Variants in U2AF2 observed in about 807,000 individuals in gnomAD.
U2AF2 encodes the protein splicing factor U2AF 65 kDa subunit.
In U2AF2, 6 loss-of-function variants were observed where a neutral mutation model predicts 52.6. The observed-to-expected ratio is 0.11, with a 90% confidence interval of 0.06 to 0.23. U2AF2 has a LOEUF of 0.23. U2AF2 is among the 10% of genes least tolerant of loss of function. The pLI is 1.00. For synonymous variants in U2AF2, 284 were observed against 258.2 expected, an observed-to-expected ratio of 1.10 and a Z score of -0.96; for missense variants, 222 against 677.1, an observed-to-expected ratio of 0.33 and a Z score of 7.46.
At chr19:55,662,161 C>A in intron 5 of U2AF2, 1 of 205,190 alleles carries the variant, frequency 4.9e-6, no homozygotes. Context: ...TCGTGTTTTT[C>A]TTCATTTTGT....
intron 5 of U2AF2, 40 bp from the exon 6 acceptor site, chr19:55,662,462 C>CT (rs1238202942): frequency 5.7e-6 from 6 of 1,061,160 alleles, no homozygotes; most frequent in South Asian, 1.4e-5. Flanking sequence ...CTCCACCTCC[C>CT]TTCCCCCGCC....
chr19:55,663,704 G>A lies in U2AF2; in HGVS notation c.702G>A (p.Pro234=), dbSNP rs372237608. 85 of 1,614,016 alleles carry A rather than the reference G, an allele frequency of 5.3e-5. No homozygotes were observed. Among genetic ancestry groups the A allele is most frequent in the Non-Finnish European group, 6.9e-5 (81 of 1,180,030 alleles). The change falls in exon 7 of 12, where the codon CCG becomes CCA. Residue 234 remains proline (P), a synonymous_variant. Transcript: ENST00000308924. The stretch of plus-strand genomic sequence containing the variant: ...TCCGCAGGCCTCACGACTACCAGCC[G>A]CTTCCTGGCATGTCAGAGAACCCCT... ...LKIRRPHDYQ[P]LPGMSENPSV...
rs372305738 is a variant in U2AF2 at position 55,660,628 on chromosome 19, C to T, written c.334+9C>T. The T allele has an allele frequency of 3.7e-6, 6 of 1,611,220 alleles. No individual in the cohort carries two copies. Among genetic ancestry groups the T allele is most frequent in the East Asian group, 2.2e-5 (1 of 44,854 alleles). On this transcript the variant is annotated intron_variant, in intron 4 of 11. Coordinates refer to ENST00000308924, the MANE Select transcript of U2AF2 (RefSeq NM_007279.3). The stretch of plus-strand genomic sequence containing the variant: ...GTACAAGGCCATGCAAGGTAGGCCC[C>T]TGGCCAGGCTGCTCCCAGAGCGGGA...
At chr19:55,672,890 G>C (rs1045753507) in intron 11 of U2AF2, among the ~76,000 whole-genome samples, 2 of 151,714 alleles carry the variant, frequency 1.3e-5, no homozygotes, top group Non-Finnish European at 2.9e-5. Flanking sequence ...TGAGCCGCCC[G>C]TCTTGGCCTC....
At chr19:55,670,261 C>T (rs1054097230) in intron 11 of U2AF2, among the ~76,000 whole-genome samples, 1 of 152,058 alleles carries the variant, frequency 6.6e-6, no homozygotes, top group African/African-American at 2.4e-5. Flanking sequence ...CCTGTCACCT[C>T]CAGCGCCGTG....
At position 55,668,292 on chromosome 19, in the gene U2AF2, A is replaced by G. The variant is rs935253701; in HGVS notation, c.743-215A>G. Among the ~76,000 whole-genome samples the G allele has an allele frequency of 3.9e-5, 6 of 152,046 alleles. No homozygotes were observed. The highest frequency in any genetic ancestry group is 1.2e-4 in the African/African-American group (5 of 41,390). On this transcript the variant is annotated intron_variant, in intron 7 of 11. Coordinates refer to ENST00000308924, the MANE Select transcript of U2AF2 (RefSeq NM_007279.3). This position sits in a 1 kb window ranked among gnomAD's most constrained non-coding sequence, Gnocchi z 5.5. Reference sequence around the variant, plus strand: ...CTGAGGCTGGGCAGATTTGGGAGACATGGTGCGTTCTCCCCGAGGAGCCTC... The same window carrying G: ...CTGAGGCTGGGCAGATTTGGGAGACGTGGTGCGTTCTCCCCGAGGAGCCTC...
intron 1 of U2AF2, chr19:55,659,000 G>T (rs1270901862): frequency 1.6e-6 from 1 of 640,146 alleles, no homozygotes; most frequent in Non-Finnish European, 2.3e-6. Context: ...CACCCCGGGG[G>T]CATTTCCAGG....
At chr19:55,673,395 G>A (rs548154068) in intron 11 of U2AF2, among the ~76,000 whole-genome samples, 12 of 151,016 alleles carry the variant, frequency 7.9e-5, no homozygotes, top group African/African-American at 2.4e-4. Context: ...TTCAGTGTTC[G>A]TGTAGGCTCA....
At chr19:55,655,557 C>T (rs1232698335) in intron 1 of U2AF2, among the ~76,000 whole-genome samples, 3 of 152,272 alleles carry the variant, frequency 2.0e-5, no homozygotes, top group Non-Finnish European at 2.9e-5. Context: ...CTTCCGCTTC[C>T]GGTCGGGCCC....
chr19:55,668,650 T>C lies in U2AF2; in HGVS notation c.823-20T>C, dbSNP rs1431976442. 1 of 1,593,686 alleles carries C rather than the reference T, an allele frequency of 6.3e-7. No homozygotes were observed. The highest frequency in any genetic ancestry group is 8.6e-7 in the Non-Finnish European group (1 of 1,166,360). ...CCGCCCCACCTCATCCCAGCCCTGA[T>C]GGACTCTCGGCTACTGCAGGTCAAA... On this transcript the variant is annotated intron_variant, in intron 8 of 11. Transcript: ENST00000308924. The surrounding 1 kb of genome is among the most constrained non-coding windows in gnomAD (Gnocchi z 5.5).
chr19:55,662,464 T>TCCCCCC, intron 5 of U2AF2, 38 bp from the exon 6 acceptor site: 2 of 613,016 alleles, frequency 3.3e-6, no homozygotes, highest in East Asian at 5.5e-5. Context: ...CCACCTCCCT[T>TCCCCCC]CCCCCGCCCC....
chr19:55,655,799 T>G (rs1248577794), intron 1 of U2AF2, among the ~76,000 whole-genome samples: 2 of 152,240 alleles, frequency 1.3e-5, no homozygotes, highest in Non-Finnish European at 2.9e-5. Context: ...TTAACGTGTT[T>G]GGCACATGTT....
At chr19:55,656,536 C>T (rs1171967575) in intron 1 of U2AF2, among the ~76,000 whole-genome samples, 1 of 152,046 alleles carries the variant, frequency 6.6e-6, no homozygotes, top group Non-Finnish European at 1.5e-5. Flanking sequence ...TTCTTGTTAC[C>T]GGATTTTGAG....
chr19:55,673,389 G>T (rs1366485695), intron 11 of U2AF2, among the ~76,000 whole-genome samples: 2 of 151,054 alleles, frequency 1.3e-5, no homozygotes, highest in Non-Finnish European at 2.9e-5. Context: ...AGAATTTTCA[G>T]TGTTCGTGTA....
chr19:55,661,385 C>T, intron 5 of U2AF2, 196 bp downstream of exon 5: 1 of 532,726 alleles, frequency 1.9e-6, no homozygotes. Context: ...CTCCTCTTCC[C>T]CTCTCCCGTC....
At position 55,655,102 on chromosome 19, in the gene U2AF2, A is replaced by G. The variant is rs1317089791; in HGVS notation, c.-3A>G. 2.5e-6 allele frequency: 4 copies of G among 1,606,464 alleles called. No homozygotes were observed. The highest frequency in any genetic ancestry group is 2.5e-6 in the Non-Finnish European group (3 of 1,177,268). ...GCACAGGGCCCTACGCGGCCGCCTCAGCATGTCGGACTTCGACGAGTTCGA... is the reference window on the plus strand; with the variant it reads ...GCACAGGGCCCTACGCGGCCGCCTCGGCATGTCGGACTTCGACGAGTTCGA... On this transcript the variant is annotated 5_prime_UTR_variant, in exon 1 of 12. Transcript: ENST00000308924.
chr19:55,669,057 C>T (rs1295572271), intron 9 of U2AF2, 26 bp from the exon 10 acceptor site: 31 of 1,608,644 alleles, frequency 1.9e-5, no homozygotes, highest in Non-Finnish European at 2.5e-5. Flanking sequence ...CCCCGCACCC[C>T]CCGACCCCTC....
intron 1 of U2AF2, 119 bp from the exon 2 acceptor site, chr19:55,659,091 T>A: frequency 2.2e-6 from 3 of 1,347,532 alleles, no homozygotes; most frequent in Non-Finnish European, 2.9e-6. Flanking sequence ...CTCCATTGAA[T>A]CCCTTCCCTT....
chr19:55,670,721 G>GAACGACCGCTA (rs1984864017), intron 11 of U2AF2: 1 of 199,898 alleles, frequency 5.0e-6, no homozygotes, highest in East Asian at 1.7e-4. Context: ...CCTGGGTCTT[G>GAACGACCGCTA]GAACGACCGC....
Sources: allele counts gnomAD v4.1 joint callset (sites outside exome capture counted in the v4.1 genomes callset), GRCh38; gene constraint gnomAD v4.1.1; non-coding constraint Gnocchi (gnomAD v3.1); transcripts MANE v1.5; gene names NCBI Gene and HGNC (gene_info 2026-07-23, HGNC 2026-07-21).